INVS: variants seen among roughly 807,000 people sequenced by gnomAD.
INVS encodes inversion of embryo turning homolog.
Under a neutral mutation model 108.8 loss-of-function variants are expected in INVS, and 86 were observed. The observed-to-expected ratio is 0.79, with a 90% CI of 0.66 to 0.95. The LOEUF (loss-of-function observed/expected upper bound fraction) is 0.95. Among genes scored for constraint, INVS ranks in the 40% least tolerant of loss-of-function variants. The pLI is 0.00. For synonymous variants in INVS, 455 were observed against 473.5 expected (o/e 0.96, Z 0.51); for missense variants, 1,169 against 1,297.4 (o/e 0.90, Z 1.52).
chr9:100,146,972 C>G lies in INVS; in HGVS notation c.273+20423C>G, dbSNP rs566613190. Among the ~76,000 whole-genome samples the G allele has an allele frequency of 7.2e-5, 11 of 152,248 alleles. No homozygotes were observed. The South Asian group carries it at 2.3e-3, about 32-fold the overall frequency. Reference sequence around the variant, plus strand: ...CTTCATCAACTTATGGTACTGTATTCTTTTAGTCACTGGAGTTTAAAAACT... The same window carrying G: ...CTTCATCAACTTATGGTACTGTATTGTTTTAGTCACTGGAGTTTAAAAACT... On this transcript the variant is annotated intron_variant, in intron 3 of 16. Transcript: ENST00000262457.
At chr9:100,141,893 G>A (rs577933383) in intron 3 of INVS, among the ~76,000 whole-genome samples, 2 of 152,318 alleles carry the variant, frequency 1.3e-5, no homozygotes, top group East Asian at 3.9e-4. Context: ...GGCCTGTGAG[G>A]CTGGAAGGAG....
In INVS at chr9:100,260,744, G is replaced by C. The variant is rs560939761; in HGVS notation, c.1465-4078G>C. Among the ~76,000 whole-genome samples, 28 of 152,152 alleles carry C rather than the reference G, an allele frequency of 1.8e-4. No homozygotes were observed. The East Asian group carries it at 5.0e-3, about 27-fold the overall frequency. ...AGATAACAACAGTGGGGGAAGCTTG[G>C]GGGGAGATTTAATATCCAAACTATG... On this transcript the variant is annotated intron_variant, in intron 10 of 16. Coordinates refer to ENST00000262457, the MANE Select transcript of INVS (RefSeq NM_014425.5).
At position 100,292,435 on chromosome 9, in the gene INVS, A is replaced by G. The variant is rs1319699830; in HGVS notation, c.2178A>G (p.Arg726=). The part of the protein sequence containing the change: ...HPGVPSVEKS[R]GETAGDERCA... Reference sequence around the variant, plus strand: ...GAGTTCCCTCTGTTGAGAAGTCCAGAGGTGAGACAGCTGGCGATGAGCGGT... The same window carrying G: ...GAGTTCCCTCTGTTGAGAAGTCCAGGGGTGAGACAGCTGGCGATGAGCGGT... The change falls in exon 14 of 17, where the codon AGA becomes AGG. Residue 726 remains arginine, a synonymous_variant. Transcript: ENST00000262457. The G allele has an allele frequency of 1.9e-6, 3 of 1,614,172 alleles. No individual in the cohort carries two copies. Among genetic ancestry groups the G allele is most frequent in the Non-Finnish European group, 1.7e-6 (2 of 1,180,038 alleles).
In INVS at chr9:100,126,458, T is replaced by C. The variant is rs774810392; in HGVS notation, c.182T>C (p.Leu61Ser). The C allele has an allele frequency of 1.2e-6, 2 of 1,614,118 alleles. No homozygotes were observed. Among genetic ancestry groups the C allele is most frequent in the South Asian group, 2.2e-5 (2 of 91,078 alleles). Reference sequence around the variant, plus strand: ...ATGTATTGCGTGTTGGCTGACAGATTGGATTGTGCAGATGCTCTTCTGAAG... The same window carrying C: ...ATGTATTGCGTGTTGGCTGACAGATCGGATTGTGCAGATGCTCTTCTGAAG... ...PLMYCVLADRLDCADALLKAG... is the reference protein window; with the variant it reads ...PLMYCVLADRSDCADALLKAG... Residue 61 changes from leucine to serine, a missense_variant, in exon 3 of 17, where the codon TTG becomes TCG. Physicochemically the swap from Leu to Ser is moderately radical, Grantham distance 145 (BLOSUM62 -2). This residue lies in a region of INVS where 365 missense variants were observed against 397.5 expected (regional missense o/e 0.92). Coordinates refer to ENST00000262457, the MANE Select transcript of INVS (RefSeq NM_014425.5).
rs1348742015 is a variant in INVS, at chr9:100,193,812, G to C, written c.274-32250G>C. ...TTGTTCAGTATTATTCTATTGTATGGATATATTACAAATTGTTCTCAAGCT... is the reference window on the plus strand; with the variant it reads ...TTGTTCAGTATTATTCTATTGTATGCATATATTACAAATTGTTCTCAAGCT... On this transcript the variant is annotated intron_variant, in intron 3 of 16. Coordinates refer to ENST00000262457, the MANE Select transcript of INVS (RefSeq NM_014425.5). Among the ~76,000 whole-genome samples, 5 of 152,068 alleles carry C rather than the reference G, an allele frequency of 3.3e-5. No homozygotes were observed. The East Asian group carries it at 9.6e-4, about 29-fold the overall frequency.
chr9:100,228,945 G>C (rs1425949787), intron 4 of INVS, among the ~76,000 whole-genome samples: 2 of 152,172 alleles, frequency 1.3e-5, no homozygotes, highest in Non-Finnish European at 2.9e-5. Flanking sequence ...ACACATTTCT[G>C]TTCATATCTT....
intron 5 of INVS, among the ~76,000 whole-genome samples, chr9:100,236,308 C>T (rs537487542): frequency 9.2e-5 from 14 of 152,232 alleles, no homozygotes; most frequent in Middle Eastern, 3.4e-3. Context: ...ATAACATGCT[C>T]CTTTAGCTTG....
chr9:100,124,552 AAAAAAAAAAACT>A (rs1827826162), intron 2 of INVS, among the ~76,000 whole-genome samples: 2 of 151,676 alleles, frequency 1.3e-5, no homozygotes, highest in Non-Finnish European at 2.9e-5. Context: ...TCATTAAAAA[AAAAAAAAAAACT>A]AAAGAGGTTA....
intron 10 of INVS, among the ~76,000 whole-genome samples, chr9:100,257,831 G>T (rs923360895): frequency 6.6e-6 from 1 of 152,182 alleles, no homozygotes; most frequent in African/African-American, 2.4e-5. Context: ...CTCTCTGGCT[G>T]CCCTTAACAT....
Position 100,292,307 on chromosome 9 carries a change from T to G in INVS, c.2069-19T>G. The G allele has an allele frequency of 6.3e-7, 1 of 1,599,376 alleles. No homozygotes were observed. Among genetic ancestry groups the G allele is most frequent in the Non-Finnish European group, 8.6e-7 (1 of 1,166,520 alleles). On this transcript the variant is annotated intron_variant, in intron 13 of 16. Coordinates refer to ENST00000262457, the MANE Select transcript of INVS (RefSeq NM_014425.5). Reference sequence around the variant, plus strand: ...TACTCTGCAAGTTTTGGACAATATTTTTTCTTTGTTTCCTCAAGAAACAGC... The same window carrying G: ...TACTCTGCAAGTTTTGGACAATATTGTTTCTTTGTTTCCTCAAGAAACAGC...
At chr9:100,113,797 C>T (rs952202497) in intron 2 of INVS, among the ~76,000 whole-genome samples, 1 of 152,082 alleles carries the variant, frequency 6.6e-6, no homozygotes, top group Non-Finnish European at 1.5e-5. Flanking sequence ...TATAGTCACC[C>T]TACTGTGCAA....
At chr9:100,189,415 G>A (rs537177990) in intron 3 of INVS, among the ~76,000 whole-genome samples, 6 of 149,894 alleles carry the variant, frequency 4.0e-5, no homozygotes, top group African/African-American at 1.2e-4. Context: ...GCTGTATCTC[G>A]GAGGCTTTAA....
chr9:100,123,780 A>AT (rs1270223152), intron 2 of INVS, among the ~76,000 whole-genome samples: 4 of 152,064 alleles, frequency 2.6e-5, no homozygotes, highest in Non-Finnish European at 5.9e-5. Flanking sequence ...TATTATGTAT[A>AT]TTTTTTATTA....
intron 3 of INVS, among the ~76,000 whole-genome samples, chr9:100,201,829 C>T (rs1043613102): frequency 1.3e-5 from 2 of 152,160 alleles, no homozygotes; most frequent in African/African-American, 4.8e-5. Flanking sequence ...TAGGTTTAAT[C>T]AGAAGAGTAA....
intron 2 of INVS, among the ~76,000 whole-genome samples, chr9:100,114,204 A>T (rs183728225): frequency 4.2e-4 from 64 of 152,234 alleles, no homozygotes; most frequent in African/African-American, 1.4e-3. Context: ...CATCAAGATA[A>T]AGAACAATTC....
At chr9:100,207,261 G>GTTAT (rs1377827085) in intron 3 of INVS, among the ~76,000 whole-genome samples, 8 of 151,898 alleles carry the variant, frequency 5.3e-5, no homozygotes, top group South Asian at 2.1e-4. Context: ...ACATGAAAGA[G>GTTAT]TTATTTATTT....
chr9:100,218,236 T>C (rs1243324788), intron 3 of INVS, among the ~76,000 whole-genome samples: 1 of 152,150 alleles, frequency 6.6e-6, no homozygotes, highest in South Asian at 2.1e-4. Context: ...GAGCAATTGT[T>C]TTTCTCTCCA....
At chr9:100,238,105 T>A (rs1217530143) in intron 5 of INVS, among the ~76,000 whole-genome samples, 5 of 152,074 alleles carry the variant, frequency 3.3e-5, no homozygotes, top group African/African-American at 4.8e-5. Context: ...TTTTGAACTC[T>A]TGGCCTCAAG....
At chr9:100,173,809 T>A (rs1829623551) in intron 3 of INVS, among the ~76,000 whole-genome samples, 1 of 152,144 alleles carries the variant, frequency 6.6e-6, no homozygotes, top group Non-Finnish European at 1.5e-5. Context: ...CCTCTACATA[T>A]AAACTGCCAA....
Sources: gnomAD v4.1 joint callset for allele counts (sites outside exome capture counted in the v4.1 genomes callset) on GRCh38, gnomAD v4.1.1 for gene constraint, gnomAD v4.1.1 regional missense constraint, MANE v1.5 for transcripts, NCBI Gene and HGNC (gene_info 2026-07-23, HGNC 2026-07-21) for gene names.